CIMIP2C: variants seen among roughly 807,000 people sequenced by gnomAD.
CIMIP2C encodes the protein ciliary microtubule inner protein 2C.
chr2:26,577,821 G>C, the CIMIP2C span: 1 of 530,208 alleles, frequency 1.9e-6, no homozygotes, highest in Non-Finnish European at 3.3e-6. Context: ...GATGGTGGTA[G>C]CCTGAATGGG....
At chr2:26,569,062 G>T in the CIMIP2C span, among the ~76,000 whole-genome samples, 1 of 151,624 alleles carries the variant, frequency 6.6e-6, no homozygotes, top group Non-Finnish European at 1.5e-5. Context: ...TATGAACTGA[G>T]ACATAGGAGA....
At chr2:26,579,306 C>T in the CIMIP2C span, 13 of 1,613,934 alleles carry the variant, frequency 8.1e-6, no homozygotes, top group Non-Finnish European at 1.1e-5. Context: ...CTCCTCTGTG[C>T]CCAAAGAAGA....
the CIMIP2C span, chr2:26,572,187 C>T: frequency 6.7e-7 from 1 of 1,502,428 alleles, no homozygotes; most frequent in Non-Finnish European, 8.9e-7. Flanking sequence ...ACCCACCCCC[C>T]AATTTTGGTT....
At chr2:26,571,659 G>A in the CIMIP2C span, among the ~76,000 whole-genome samples, 3 of 152,254 alleles carry the variant, frequency 2.0e-5, no homozygotes, top group East Asian at 3.9e-4. Flanking sequence ...CAAATCACCC[G>A]AAATCCAAAC....
At chr2:26,573,782 G>C in the CIMIP2C span, among the ~76,000 whole-genome samples, 1 of 152,230 alleles carries the variant, frequency 6.6e-6, no homozygotes, top group Non-Finnish European at 1.5e-5. Context: ...AGTGAGGCTG[G>C]AGGGGGTGCC....
At chr2:26,579,455 C>A in the CIMIP2C span, 1 of 1,610,302 alleles carries the variant, frequency 6.2e-7, no homozygotes, top group Non-Finnish European at 8.5e-7. Flanking sequence ...TAGTTCAGAG[C>A]AGAGCCTGAT....
chr2:26,572,239 A>C, the CIMIP2C span: 1 of 1,327,126 alleles, frequency 7.5e-7, no homozygotes, highest in African/African-American at 1.5e-5. Flanking sequence ...TAACATTTAC[A>C]TTCCATTCTG....
chr2:26,577,601 C>T, the CIMIP2C span: 36 of 1,613,980 alleles, frequency 2.2e-5, no homozygotes, highest in Admixed American at 1.2e-4. Context: ...GTGAGGGAGC[C>T]GGAACGGTAC....
chr2:26,579,334 C>T, the CIMIP2C span: 41 of 1,614,000 alleles, frequency 2.5e-5, no homozygotes, highest in Admixed American at 3.3e-5. Context: ...CCTTTTAAGA[C>T]TAGCCCCCGA....
chr2:26,574,291 T>C, the CIMIP2C span, among the ~76,000 whole-genome samples: 12 of 152,058 alleles, frequency 7.9e-5, no homozygotes, highest in African/African-American at 2.7e-4. Context: ...GGGGCAGGGG[T>C]CTGGTGCAGT....
At chr2:26,566,439 C>T in the CIMIP2C span, among the ~76,000 whole-genome samples, 1 of 152,226 alleles carries the variant, frequency 6.6e-6, no homozygotes, top group Non-Finnish European at 1.5e-5. Context: ...CGGTGGTGTA[C>T]TGACAAATGT....
chr2:26,572,060 C>G, the CIMIP2C span: 1 of 1,521,914 alleles, frequency 6.6e-7, no homozygotes, highest in Non-Finnish European at 8.8e-7. Flanking sequence ...TAAAAACCAT[C>G]AAAGGACTAA....
At chr2:26,571,410 A>G in the CIMIP2C span, among the ~76,000 whole-genome samples, 36 of 152,142 alleles carry the variant, frequency 2.4e-4, no homozygotes, top group Non-Finnish European at 2.9e-4. Context: ...CCATGGTCCC[A>G]CTTGGGTTGG....
chr2:26,576,610 G>C, the CIMIP2C span, among the ~76,000 whole-genome samples: 1 of 152,174 alleles, frequency 6.6e-6, no homozygotes, highest in East Asian at 1.9e-4. Context: ...CCCAGCCCCA[G>C]TTCCAGCCCC....
chr2:26,562,632 G>A, the CIMIP2C span: 1 of 1,585,764 alleles, frequency 6.3e-7, no homozygotes, highest in Admixed American at 1.8e-5. Flanking sequence ...CGCAGCGCGG[G>A]CACCCTACTG....
chr2:26,571,023 T>C, the CIMIP2C span, among the ~76,000 whole-genome samples: 4,332 of 152,150 alleles, frequency 0.028, 191 homozygotes, highest in African/African-American at 0.099. Context: ...AGGGATATAC[T>C]GGAGGAAGAG....
chr2:26,579,187 G>T, the CIMIP2C span: 94 of 1,353,914 alleles, frequency 6.9e-5, 2 homozygotes, highest in South Asian at 1.1e-3. Flanking sequence ...ACGAGTAGCC[G>T]GCAGGTCAGC....
the CIMIP2C span, chr2:26,563,071 C>T: frequency 4.2e-6 from 1 of 238,168 alleles, no homozygotes; most frequent in South Asian, 7.0e-5. Flanking sequence ...CAGGCCCTTC[C>T]GTCCGGCGCA....
chr2:26,572,522 C>G, the CIMIP2C span, among the ~76,000 whole-genome samples: 1 of 152,168 alleles, frequency 6.6e-6, no homozygotes, highest in Non-Finnish European at 1.5e-5. Flanking sequence ...GGGTTATGCT[C>G]TTTTCCCTGC....
Sources: allele counts gnomAD v4.1 joint callset (sites outside exome capture counted in the v4.1 genomes callset), GRCh38; gene constraint gnomAD v4.1.1; transcripts MANE v1.5; gene names NCBI Gene and HGNC (gene_info 2026-07-23, HGNC 2026-07-21).